The following PSME4 variants were observed in gnomAD, a reference collection of about 807,000 sequenced individuals.
PSME4 encodes the protein proteasome activator complex subunit 4.
In PSME4, 89 loss-of-function variants were observed where a neutral mutation model predicts 253.9. That is an observed-to-expected ratio of 0.35 (90% CI 0.30 to 0.42). The LOEUF is 0.42. Ranked by LOEUF, PSME4 falls within the 10% of genes least tolerant of loss-of-function variation. The probability of loss-of-function intolerance (pLI) is 1.00; values close to 1 mark genes in which losing one functional copy is unlikely to be tolerated. For missense variants in PSME4, 2,014 were observed against 2,195.2 expected (o/e 0.92, Z 1.65); for synonymous variants, 851 against 759.2 (o/e 1.12, Z -1.99).
chr2:53,951,566 T>C (rs969097671), intron 1 of PSME4, among the ~76,000 whole-genome samples: 1 of 152,186 alleles, frequency 6.6e-6, no homozygotes, highest in African/African-American at 2.4e-5. Flanking sequence ...CCAGCAAATA[T>C]AGAGGGAGGA....
chr2:53,955,260 T>C (rs908404328), intron 1 of PSME4, among the ~76,000 whole-genome samples: 18 of 152,368 alleles, frequency 1.2e-4, no homozygotes, highest in Admixed American at 7.2e-4. Flanking sequence ...AGTATGAGAA[T>C]GGCTTGTTAA....
chr2:53,949,691 G>A (rs1669888256), intron 1 of PSME4, among the ~76,000 whole-genome samples: 1 of 152,092 alleles, frequency 6.6e-6, no homozygotes, highest in Non-Finnish European at 1.5e-5. Flanking sequence ...CAAACTCATA[G>A]AAACAGAAAG....
chr2:53,949,864 T>C (rs1257237046), intron 1 of PSME4, among the ~76,000 whole-genome samples: 1 of 152,226 alleles, frequency 6.6e-6, no homozygotes, highest in Non-Finnish European at 1.5e-5. Context: ...TTGATACTTA[T>C]TTTTAATGAC....
intron 36 of PSME4, among the ~76,000 whole-genome samples, chr2:53,890,671 A>G (rs954870977): frequency 6.6e-6 from 1 of 152,210 alleles, no homozygotes; most frequent in African/African-American, 2.4e-5. Context: ...ATATCCAGGT[A>G]TAGGTGAAAT....
chr2:53,928,172 G>A lies in PSME4; in HGVS notation c.1448C>T (p.Pro483Leu). The change falls in exon 11 of 47, where the codon CCT (proline) becomes CTT (leucine). Residue 483 changes from proline to leucine, a missense_variant. This residue lies in a region of PSME4 where 615 missense variants were observed against 594.4 expected (regional missense o/e 1.03). Coordinates refer to ENST00000404125, the MANE Select transcript of PSME4 (RefSeq NM_014614.3). ...WFPEGPTHML[P>L]LLMRALPGVD... ...CCCAGGCAATGCTCTCATCAACAGAGGTAGCATATGTGTAGGACCTTCAGG... is the reference window on the plus strand; with the variant it reads ...CCCAGGCAATGCTCTCATCAACAGAAGTAGCATATGTGTAGGACCTTCAGG... The A allele has an allele frequency of 7.4e-6, 12 of 1,614,004 alleles. No individual in the cohort carries two copies. Among genetic ancestry groups the A allele is most frequent in the Non-Finnish European group, 1.0e-5 (12 of 1,179,992 alleles).
chr2:53,869,311 A>G, intron 44 of PSME4, 65 bp downstream of exon 44: 1 of 1,407,046 alleles, frequency 7.1e-7, no homozygotes, highest in Middle Eastern at 1.9e-4. Context: ...AATAAATATG[A>G]GTAAGCCTGG....
At chr2:53,953,737 C>A (rs1670106485) in intron 1 of PSME4, among the ~76,000 whole-genome samples, 1 of 151,916 alleles carries the variant, frequency 6.6e-6, no homozygotes, top group African/African-American at 2.4e-5. Context: ...TAGACTGTAT[C>A]TACAGATGGT....
intron 24 of PSME4, among the ~76,000 whole-genome samples, chr2:53,907,755 C>T (rs1345915385): frequency 6.6e-6 from 1 of 152,158 alleles, no homozygotes; most frequent in Admixed American, 6.5e-5. Context: ...TATCTCCTTG[C>T]CCTTTTACAT....
At position 53,940,898 on chromosome 2, in the gene PSME4, TATATATAATACATATTTAA is replaced by T. The variant is rs1244778671; in HGVS notation, c.501-917_501-899del. Among the ~76,000 whole-genome samples, 172 of 134,670 alleles carry T rather than the reference TATATATAATACATATTTAA, an allele frequency of 1.3e-3. 2 individuals carry two copies. The highest frequency in any genetic ancestry group is 2.2e-3 in the Non-Finnish European group (137 of 63,358). 88.3% of individuals were successfully genotyped at this position (134,670 alleles called of 152,430 possible). Reference sequence around the variant, plus strand: ...TAAATATATATAATACATATTTAAATATATATAATACATATTTAAATATATATATAATACATATATAAAT... The same window carrying T: ...TAAATATATATAATACATATTTAAATATATATATATAATACATATATAAAT... On this transcript the variant is annotated intron_variant, in intron 3 of 46. Coordinates refer to ENST00000404125, the MANE Select transcript of PSME4 (RefSeq NM_014614.3).
chr2:53,957,054 C>A (rs1015093998), intron 1 of PSME4, among the ~76,000 whole-genome samples: 2 of 152,012 alleles, frequency 1.3e-5, no homozygotes, highest in Admixed American at 1.3e-4. Flanking sequence ...GCCAGAGAAC[C>A]AAGTCATTAA....
At chr2:53,947,923 C>G (rs541449417) in intron 3 of PSME4, among the ~76,000 whole-genome samples, 108 of 149,360 alleles carry the variant, frequency 7.2e-4, no homozygotes, top group African/African-American at 2.6e-3. Context: ...GGCTGAGGAA[C>G]GCGAATCACT....
intron 41 of PSME4, among the ~76,000 whole-genome samples, chr2:53,878,357 G>A (rs965549650): frequency 2.0e-5 from 3 of 152,128 alleles, no homozygotes; most frequent in Admixed American, 6.5e-5. Context: ...GAGGATGAAT[G>A]TCGCCTCAGG....
intron 46 of PSME4, 26 bp from the exon 47 acceptor site, chr2:53,865,599 A>G (rs1393709821): frequency 6.5e-6 from 1 of 152,720 alleles, no homozygotes; most frequent in African/African-American, 2.4e-5. Context: ...AAAAATTTCA[A>G]TTAGGTAACA....
chr2:53,890,308 T>C (rs748764143), intron 36 of PSME4, 100 bp from the exon 37 acceptor site: 77 of 783,892 alleles, frequency 9.8e-5, no homozygotes, highest in Non-Finnish European at 1.4e-4. Context: ...TACAGGTATA[T>C]CATTTAAATT....
intron 20 of PSME4, 73 bp downstream of exon 20, chr2:53,919,078 A>G: frequency 7.0e-7 from 1 of 1,425,938 alleles, no homozygotes; most frequent in Non-Finnish European, 9.6e-7. Context: ...CAATAACAAC[A>G]ACAAACCAAT....
At chr2:53,946,206 T>C (rs1034715347) in intron 3 of PSME4, among the ~76,000 whole-genome samples, 2 of 152,194 alleles carry the variant, frequency 1.3e-5, no homozygotes, top group African/African-American at 4.8e-5. Flanking sequence ...GGTAGACCCT[T>C]AAGGCAGGAA....
chr2:53,864,675 T>C lies in PSME4; in HGVS notation c.*903A>G, dbSNP rs1343403936. On this transcript the variant is annotated 3_prime_UTR_variant, in exon 47 of 47. Transcript: ENST00000404125. Reference sequence around the variant, plus strand: ...TTATATAACATATTAAACAAATCAATTAAATATTAAGCCTTATTAGTCTCT... The same window carrying C: ...TTATATAACATATTAAACAAATCAACTAAATATTAAGCCTTATTAGTCTCT... 4 of 152,672 alleles carry C rather than the reference T, an allele frequency of 2.6e-5. No homozygotes were observed. The East Asian group carries it at 7.7e-4, about 29-fold the overall frequency. 9.5% of individuals were successfully genotyped at this position (152,672 alleles called of 1,614,324 possible). A position where few individuals can be genotyped will look rare whatever the true frequency, so the allele number is the denominator to read the frequency against.
At chr2:53,914,488 C>G (rs543490621) in intron 20 of PSME4, among the ~76,000 whole-genome samples, 9 of 152,308 alleles carry the variant, frequency 5.9e-5, no homozygotes, top group African/African-American at 2.2e-4. Flanking sequence ...AAAATTCAAA[C>G]TGTTTTCAAT....
At chr2:53,936,509 C>T (rs1669121856) in intron 6 of PSME4, among the ~76,000 whole-genome samples, 1 of 152,100 alleles carries the variant, frequency 6.6e-6, no homozygotes, top group Admixed American at 6.5e-5. Context: ...TCTTACATTT[C>T]ATGCATTTTA....
Sources: allele counts gnomAD v4.1 joint callset (sites outside exome capture counted in the v4.1 genomes callset), GRCh38; gene constraint gnomAD v4.1.1; regional missense constraint gnomAD v4.1.1; transcripts MANE v1.5; gene names NCBI Gene and HGNC (gene_info 2026-07-23, HGNC 2026-07-21).